Variants in ADRA1B observed in about 807,000 individuals in gnomAD.
The protein encoded by ADRA1B is adrenoceptor alpha 1B.
A neutral mutation model predicts 17.9 loss-of-function variants in ADRA1B; 17 were observed. The observed-to-expected ratio is 0.95, with a 90% CI of 0.65 to 1.42. The LOEUF (loss-of-function observed/expected upper bound fraction) is 1.42. Among genes scored for constraint, ADRA1B ranks in the 40% most tolerant of loss-of-function variants. The pLI is 0.00. For synonymous variants in ADRA1B, 366 were observed against 327.6 expected, an observed-to-expected ratio of 1.12 and a Z score of -1.27; for missense variants, 681 against 722.1, an observed-to-expected ratio of 0.94 and a Z score of 0.65.
intron 1 of ADRA1B, among the ~76,000 whole-genome samples, chr5:159,903,700 A>T (rs1754126555): frequency 6.6e-6 from 1 of 152,158 alleles, no homozygotes; most frequent in Admixed American, 6.5e-5. Flanking sequence ...AGGCTCTCTT[A>T]CTGTGGCTGC....
the ADRA1B span, among the ~76,000 whole-genome samples, chr5:159,985,760 G>A: frequency 6.6e-6 from 1 of 152,256 alleles, no homozygotes; most frequent in Non-Finnish European, 1.5e-5. Flanking sequence ...GGATCACTGA[G>A]AGGCCAAGCA....
rs1754308120 is a variant in ADRA1B at position 159,916,545 on chromosome 5, G to T, written c.-361G>T. 5.6e-6 allele frequency: 1 copy of T among 177,360 alleles called. No individual in the cohort carries two copies. Among genetic ancestry groups the T allele is most frequent in the African/African-American group, 2.4e-5 (1 of 42,364 alleles). 11.0% of individuals were successfully genotyped at this position (177,360 alleles called of 1,614,324 possible). The stretch of plus-strand genomic sequence containing the variant: ...TCGGCGCTCGCTGGGCGGAGGACGC[G>T]CCGCGGTCCGCAGACCCGAGCGAGC... On this transcript the variant is annotated 5_prime_UTR_variant, in exon 1 of 2. Coordinates refer to ENST00000306675, the MANE Select transcript of ADRA1B (RefSeq NM_000679.4).
Position 159,893,098 on chromosome 5 carries a change from T to C in ADRA1B, c.-255-23021T>C, listed in dbSNP as rs112917469. On this transcript the variant is annotated intron_variant, in intron 1 of 2. Coordinates refer to the ADRA1B transcript ENST00000641205. ...TACGAGCATTATTTAACTTAATTAATGGAATTAATTAATCAAACATGTGTC... is the reference window on the plus strand; with the variant it reads ...TACGAGCATTATTTAACTTAATTAACGGAATTAATTAATCAAACATGTGTC... Among the ~76,000 whole-genome samples, 1,509 of 152,354 alleles carry C rather than the reference T, an allele frequency of 9.9e-3. 12 individuals carry two copies. The highest frequency in any genetic ancestry group is 0.014 in the Non-Finnish European group (954 of 68,032).
chr5:159,911,713 C>A (rs1000396227), upstream of ADRA1B, among the ~76,000 whole-genome samples: 2 of 152,166 alleles, frequency 1.3e-5, no homozygotes. Context: ...TGACCTGCTG[C>A]CTTTGGAGGT....
At chr5:159,975,936 AC>A (rs1251814338), downstream of ADRA1B, among the ~76,000 whole-genome samples, 1 of 152,130 alleles carries the variant, frequency 6.6e-6, no homozygotes, top group East Asian at 1.9e-4. Context: ...AAATCTGCCA[AC>A]CCCAGTCAAG....
At position 159,916,875 on chromosome 5, in the gene ADRA1B, A is replaced by G. The variant is rs755887211; in HGVS notation, c.-31A>G. The G allele has an allele frequency of 2.5e-6, 4 of 1,570,012 alleles. No individual in the cohort carries two copies. The highest frequency in any genetic ancestry group is 1.4e-5 in the African/African-American group (1 of 73,708). ...CGCCGCAGCCCTTCCGAGCCCAATC[A>G]TCCCCCTGGCTATGGAGGGCGGACT... is the stretch of plus-strand genomic sequence containing the variant. On this transcript the variant is annotated 5_prime_UTR_variant, in exon 1 of 2. Coordinates refer to ENST00000306675, the MANE Select transcript of ADRA1B (RefSeq NM_000679.4).
At chr5:159,866,033 T>C (rs1014027636) in intron 1 of ADRA1B, among the ~76,000 whole-genome samples, 5 of 152,174 alleles carry the variant, frequency 3.3e-5, no homozygotes, top group Non-Finnish European at 7.3e-5. Flanking sequence ...CTTAATTCAT[T>C]CCTAAAACAA....
At chr5:159,968,088 A>C (rs1334455509) in intron 1 of ADRA1B, among the ~76,000 whole-genome samples, 1 of 152,140 alleles carries the variant, frequency 6.6e-6, no homozygotes, top group Non-Finnish European at 1.5e-5. Context: ...GCTTGTCCTC[A>C]TGCCTAGCAC....
At chr5:159,867,481 G>A (rs148454466) in intron 1 of ADRA1B, among the ~76,000 whole-genome samples, 33 of 152,018 alleles carry the variant, frequency 2.2e-4, no homozygotes, top group South Asian at 8.3e-4. Context: ...CCTCTCCCTC[G>A]CCCTCTCTCA....
chr5:159,962,930 C>CTTT (rs1287451612), intron 1 of ADRA1B, among the ~76,000 whole-genome samples: 14 of 57,410 alleles, frequency 2.4e-4, no homozygotes, highest in East Asian at 5.2e-4. Context: ...TTTTTCTTTT[C>CTTT]TTTTCTTTTT....
At chr5:159,890,875 C>A (rs149104178) in intron 1 of ADRA1B, among the ~76,000 whole-genome samples, 1 of 152,212 alleles carries the variant, frequency 6.6e-6, no homozygotes, top group Non-Finnish European at 1.5e-5. Flanking sequence ...TAAAACAAAC[C>A]TGTGAGATGG....
At position 159,917,289 on chromosome 5, in the gene ADRA1B, C is replaced by T. The variant is rs1343590196; in HGVS notation, c.384C>T (p.Cys128=). The T allele has an allele frequency of 6.2e-7, 1 of 1,614,116 alleles. No homozygotes were observed. Among genetic ancestry groups the T allele is most frequent in the East Asian group, 2.2e-5 (1 of 44,872 alleles). The change falls in exon 1 of 2, where the codon TGC becomes TGT. Residue 128 remains cysteine (C), a synonymous_variant. Coordinates refer to ENST00000306675, the MANE Select transcript of ADRA1B (RefSeq NM_000679.4). ...CDIWAAVDVL[C]CTASILSLCA... ...TCTGGGCAGCCGTGGATGTCCTGTG[C>T]TGCACAGCGTCCATTCTGAGCCTGT...
rs761487660 is a variant in ADRA1B, at chr5:159,917,176, G to A, written c.271G>A (p.Asp91Asn). The A allele has an allele frequency of 1.2e-6, 2 of 1,614,158 alleles. No homozygotes were observed. The highest frequency in any genetic ancestry group is 1.1e-5 in the South Asian group (1 of 91,082). ...CTTCATTGTCAACCTGGCCATGGCC[G>A]ACCTGCTGTTGAGCTTCACCGTCCT... ...NYFIVNLAMA[D>N]LLLSFTVLPF... The change falls in exon 1 of 2, where the codon GAC (aspartate) becomes AAC (asparagine). Residue 91 changes from aspartate (D) to asparagine (N), a missense_variant. Asp to Asn is a conservative substitution (Grantham distance 23, BLOSUM62 1). Transcript: ENST00000306675.
the ADRA1B span, among the ~76,000 whole-genome samples, chr5:159,980,310 G>T: frequency 6.6e-6 from 1 of 152,132 alleles, no homozygotes; most frequent in Non-Finnish European, 1.5e-5. Context: ...ATCTCCACCC[G>T]AAAGAGGAGG....
At chr5:159,951,462 A>T (rs1016312096) in intron 1 of ADRA1B, 1 of 727,358 alleles carries the variant, frequency 1.4e-6, no homozygotes, top group African/African-American at 1.7e-5. Flanking sequence ...TGCCCAATAC[A>T]TCCAAATCCG....
intron 1 of ADRA1B, among the ~76,000 whole-genome samples, chr5:159,953,770 GA>G (rs1194497799): frequency 6.6e-6 from 1 of 152,194 alleles, no homozygotes; most frequent in Non-Finnish European, 1.5e-5. Context: ...AGGCATCTAA[GA>G]GATGTTCAAT....
chr5:159,920,570 G>A (rs1227538386), intron 1 of ADRA1B, among the ~76,000 whole-genome samples: 2 of 152,094 alleles, frequency 1.3e-5, no homozygotes, highest in Admixed American at 6.5e-5. Flanking sequence ...ATTTGTCCCT[G>A]AGCCGACCCC....
intron 1 of ADRA1B, among the ~76,000 whole-genome samples, chr5:159,938,136 G>A (rs910476504): frequency 6.6e-6 from 1 of 152,202 alleles, no homozygotes; most frequent in Non-Finnish European, 1.5e-5. Context: ...CTAGCCCAGT[G>A]ACTGTTGCAC....
intron 1 of ADRA1B, among the ~76,000 whole-genome samples, chr5:159,894,400 G>A (rs550974286): frequency 5.9e-5 from 9 of 152,196 alleles, no homozygotes; most frequent in East Asian, 3.9e-4. Context: ...CATATAATAC[G>A]CTCTACTCCG....
Sources: allele counts gnomAD v4.1 joint callset (sites outside exome capture counted in the v4.1 genomes callset), GRCh38; gene constraint gnomAD v4.1.1; transcripts MANE v1.5; gene names NCBI Gene and HGNC (gene_info 2026-07-23, HGNC 2026-07-21).